The following ADCK1 variants were observed in gnomAD, a reference collection of about 807,000 sequenced individuals.
The protein encoded by ADCK1 is aarF domain containing kinase 1, also known as aarF domain-containing protein kinase 1.
ADCK1 carries 41 observed loss-of-function variants against 52.3 expected under a neutral mutation model. That is an observed-to-expected ratio of 0.78 (90% CI 0.61 to 1.02). The LOEUF (loss-of-function observed/expected upper bound fraction) is 1.02, where lower values mean the gene tolerates loss of function less well. ADCK1 is among the 50% of genes least tolerant of loss of function. ADCK1 has a pLI of 0.00. For synonymous variants in ADCK1, 250 were observed against 274.6 expected (o/e 0.91, Z 0.89); for missense variants, 658 against 679.5 (o/e 0.97, Z 0.35).
At chr14:77,815,392 A>T (rs2081425703) in intron 1 of ADCK1, among the ~76,000 whole-genome samples, 1 of 151,336 alleles carries the variant, frequency 6.6e-6, no homozygotes, top group African/African-American at 2.4e-5. Flanking sequence ...TTTTTTGTAG[A>T]GATGGGGTCT....
chr14:77,869,181 G>A (rs2082723867), intron 4 of ADCK1, among the ~76,000 whole-genome samples: 1 of 152,196 alleles, frequency 6.6e-6, no homozygotes, highest in Non-Finnish European at 1.5e-5. Context: ...TCTCGGGCTA[G>A]CCGCAAACCT....
Position 77,839,523 on chromosome 14 carries a change from G to A in ADCK1, c.219+17005G>A, listed in dbSNP as rs1409116164. 2.6e-5 allele frequency among the ~76,000 whole-genome samples: 4 copies of A among 152,228 alleles called. No individual in the cohort carries two copies. The East Asian group carries it at 7.7e-4, about 29-fold the overall frequency. On this transcript the variant is annotated intron_variant, in intron 3 of 10. Transcript: ENST00000238561. ...GCTGGATAACATGTGGCACCTGTGT[G>A]ACCCCAACCCTCCCCGTGCCTGTGT... is the stretch of plus-strand genomic sequence containing the variant.
At chr14:77,913,228 C>T (rs540586264) in intron 7 of ADCK1, among the ~76,000 whole-genome samples, 18 of 152,336 alleles carry the variant, frequency 1.2e-4, no homozygotes, top group African/African-American at 4.1e-4. Flanking sequence ...ACTGTCCAGG[C>T]GGTTCAGACA....
chr14:77,815,392 A>G (rs2081425703), intron 1 of ADCK1, among the ~76,000 whole-genome samples: 1 of 151,336 alleles, frequency 6.6e-6, no homozygotes, highest in South Asian at 2.1e-4. Context: ...TTTTTTGTAG[A>G]GATGGGGTCT....
intron 7 of ADCK1, chr14:77,924,175 A>C (rs1455643875): frequency 1.7e-5 from 6 of 352,732 alleles, no homozygotes; most frequent in Non-Finnish European, 2.6e-5. Context: ...TGGAGAGTGC[A>C]GTTCTCCTAC....
At chr14:77,886,621 G>GAAAA (rs2083153249) in intron 4 of ADCK1, among the ~76,000 whole-genome samples, 1 of 152,136 alleles carries the variant, frequency 6.6e-6, no homozygotes, top group African/African-American at 2.4e-5. Flanking sequence ...GTACACAACT[G>GAAAA]ATAAAGCAAA....
Position 77,829,418 on chromosome 14 carries a change from C to T in ADCK1, c.219+6900C>T, listed in dbSNP as rs995683159. ...TAAGCTATCCTCCCACTTTAGCCTCCTGAGTAGTGGACTACAGGTGTGCAC... is the reference window on the plus strand; with the variant it reads ...TAAGCTATCCTCCCACTTTAGCCTCTTGAGTAGTGGACTACAGGTGTGCAC... On this transcript the variant is annotated intron_variant, in intron 3 of 10. Transcript: ENST00000238561. Among the ~76,000 whole-genome samples, 23 of 150,960 alleles carry T rather than the reference C, an allele frequency of 1.5e-4. 1 individual carries two copies. Among genetic ancestry groups the T allele is most frequent in the African/African-American group, 5.6e-4 (23 of 41,288 alleles).
At chr14:77,905,322 TTTGA>T (rs2083639935) in intron 6 of ADCK1, among the ~76,000 whole-genome samples, 1 of 146,060 alleles carries the variant, frequency 6.8e-6, no homozygotes, top group African/African-American at 2.6e-5. Flanking sequence ...TTTTTTTTTT[TTTGA>T]GATGGAATCT....
intron 1 of ADCK1, among the ~76,000 whole-genome samples, chr14:77,817,909 GTTT>G (rs554171358): frequency 2.0e-5 from 3 of 148,598 alleles, no homozygotes; most frequent in South Asian, 2.1e-4. Context: ...CTAATTTTTT[GTTT>G]TTTTTTTAGT....
At chr14:77,852,662 T>TAA (rs1374417660) in intron 3 of ADCK1, among the ~76,000 whole-genome samples, 6,911 of 18,988 alleles carry the variant, frequency 0.36, 474 homozygotes, top group East Asian at 0.49. Flanking sequence ...AATAAATAAA[T>TAA]ATATATATAT....
chr14:77,926,830 C>T (rs1256092505), intron 9 of ADCK1, among the ~76,000 whole-genome samples: 1 of 152,192 alleles, frequency 6.6e-6, no homozygotes, highest in African/African-American at 2.4e-5. Flanking sequence ...GCTTGCACGA[C>T]AGAAGCTTAT....
intron 4 of ADCK1, among the ~76,000 whole-genome samples, chr14:77,878,770 G>A (rs1166134729): frequency 6.6e-6 from 1 of 152,192 alleles, no homozygotes; most frequent in African/African-American, 2.4e-5. Context: ...CACCCTGTGA[G>A]GCTATAGATG....
At chr14:77,873,202 C>T (rs1446390484) in intron 4 of ADCK1, among the ~76,000 whole-genome samples, 2 of 152,196 alleles carry the variant, frequency 1.3e-5, no homozygotes, top group African/African-American at 4.8e-5. Context: ...CCGAGCCCTC[C>T]ATGTCTAGCT....
chr14:77,827,268 C>G (rs1944669549), intron 3 of ADCK1, among the ~76,000 whole-genome samples: 1 of 148,870 alleles, frequency 6.7e-6, no homozygotes, highest in Non-Finnish European at 1.5e-5. Context: ...AGGAGAACTA[C>G]TTGAACCTGG....
At chr14:77,927,619 G>T (rs1026087295) in intron 9 of ADCK1, among the ~76,000 whole-genome samples, 1 of 152,146 alleles carries the variant, frequency 6.6e-6, no homozygotes, top group Non-Finnish European at 1.5e-5. Context: ...AAACAAGTAG[G>T]GTGCTGTGAG....
chr14:77,844,072 CT>C (rs1216214818), intron 3 of ADCK1, among the ~76,000 whole-genome samples: 3 of 149,802 alleles, frequency 2.0e-5, no homozygotes, highest in East Asian at 2.0e-4. Flanking sequence ...TTCTTTTTTT[CT>C]TTTTTTTTTC....
At position 77,829,506 on chromosome 14, in the gene ADCK1, A is replaced by G. The variant is rs570563769; in HGVS notation, c.219+6988A>G. On this transcript the variant is annotated intron_variant, in intron 3 of 10. Coordinates refer to ENST00000238561, the MANE Select transcript of ADCK1 (RefSeq NM_020421.4). ...GAGACAGAGTCTCACTATGTTGCCC[A>G]AGCTGGTCTTGAACTCCTGGCCTCA... 6.6e-5 allele frequency among the ~76,000 whole-genome samples: 10 copies of G among 151,310 alleles called. No homozygotes were observed. The South Asian group carries it at 1.9e-3, about 29-fold the overall frequency.
Position 77,926,005 on chromosome 14 carries a change from G to A in ADCK1, c.1206+44G>A, listed in dbSNP as rs371905405. 2.8e-5 allele frequency: 45 copies of A among 1,610,576 alleles called. No individual in the cohort carries two copies. The African/African-American group carries it at 4.8e-4, about 17-fold the overall frequency. Reference sequence around the variant, plus strand: ...CCCTGCCTCTTCCTAAATGCAGAAGGCAGGGCTAGAGGTGGCCTGTGGACC... The same window carrying A: ...CCCTGCCTCTTCCTAAATGCAGAAGACAGGGCTAGAGGTGGCCTGTGGACC... On this transcript the variant is annotated intron_variant, in intron 9 of 10. Coordinates refer to ENST00000238561, the MANE Select transcript of ADCK1 (RefSeq NM_020421.4).
chr14:77,866,271 A>G (rs1352044330), intron 4 of ADCK1, among the ~76,000 whole-genome samples: 1 of 152,210 alleles, frequency 6.6e-6, no homozygotes, highest in African/African-American at 2.4e-5. Flanking sequence ...AAAATATGGT[A>G]TTATTAATAT....
Sources: allele counts gnomAD v4.1 joint callset (sites outside exome capture counted in the v4.1 genomes callset), GRCh38; gene constraint gnomAD v4.1.1; transcripts MANE v1.5; gene names NCBI Gene and HGNC (gene_info 2026-07-23, HGNC 2026-07-21).